Variants in IGF2R observed in about 807,000 individuals in gnomAD.
IGF2R encodes cation-independent mannose-6-phosphate receptor.
In IGF2R, 91 loss-of-function variants were observed where a neutral mutation model predicts 270.6. The ratio of observed to expected loss-of-function variants is 0.34; its 90% CI spans 0.28 to 0.40. The LOEUF (loss-of-function observed/expected upper bound fraction) is 0.40. Ranked by LOEUF, IGF2R falls within the 10% of genes least tolerant of loss-of-function variation. The probability of loss-of-function intolerance (pLI) is 1.00; values close to 1 mark genes in which losing one functional copy is unlikely to be tolerated. For synonymous variants in IGF2R, 1,316 were observed against 1,258.9 expected, an observed-to-expected ratio of 1.05 and a Z score of -0.96; for missense variants, 2,805 against 3,188.3, an observed-to-expected ratio of 0.88 and a Z score of 2.90.
At chr6:160,041,300 C>G (rs988155129) in intron 11 of IGF2R, among the ~76,000 whole-genome samples, 1 of 152,206 alleles carries the variant, frequency 6.6e-6, no homozygotes, top group South Asian at 2.1e-4. Context: ...ATTAGGTGTA[C>G]AGAAGCCAGT....
chr6:160,062,945 C>T, intron 26 of IGF2R, among the ~76,000 whole-genome samples: 1 of 151,394 alleles, frequency 6.6e-6, no homozygotes, highest in Non-Finnish European at 1.5e-5. Context: ...AAGCTGTTTG[C>T]CAGGCGATTT....
intron 2 of IGF2R, among the ~76,000 whole-genome samples, chr6:159,996,834 G>T (rs533066421): frequency 6.6e-6 from 1 of 152,172 alleles, no homozygotes; most frequent in Admixed American, 6.5e-5. Flanking sequence ...CTGTGGGTCC[G>T]TGTAGAGAGG....
In IGF2R at chr6:160,071,895, T is replaced by C. The variant is rs752842929; in HGVS notation, c.4444-15T>C. 8 of 1,613,994 alleles carry C rather than the reference T, an allele frequency of 5.0e-6. No homozygotes were observed. In the East Asian group the frequency reaches 1.6e-4, roughly 31 times the overall value. On this transcript the variant is annotated splice_polypyrimidine_tract_variant and intron_variant, in intron 31 of 47. Coordinates refer to ENST00000356956, the MANE Select transcript of IGF2R (RefSeq NM_000876.4). Reference sequence around the variant, plus strand: ...TTGCGTGATCCCTTCAGGACCTGTCTGTGCTTTGTTGTAGAACTCCAGGCC... The same window carrying C: ...TTGCGTGATCCCTTCAGGACCTGTCCGTGCTTTGTTGTAGAACTCCAGGCC...
chr6:160,109,406 C>G lies in IGF2R; in HGVS notation c.*4322C>G, dbSNP rs1333228829. 1 of 152,198 alleles carries G rather than the reference C, an allele frequency of 6.6e-6. No homozygotes were observed. Among genetic ancestry groups the G allele is most frequent in the African/African-American group, 2.4e-5 (1 of 41,448 alleles). 9.4% of individuals were successfully genotyped at this position (152,198 alleles called of 1,614,324 possible). On this transcript the variant is annotated 3_prime_UTR_variant, in exon 48 of 48. Transcript: ENST00000356956. ...TGGCTTCAGGGTTTTATTTTTCTTT[C>G]TTTTAAAACATTTTGAGACAACATG...
At chr6:160,042,344 T>A (rs1357279293) in intron 11 of IGF2R, among the ~76,000 whole-genome samples, 2 of 152,352 alleles carry the variant, frequency 1.3e-5, no homozygotes, top group East Asian at 3.9e-4. Flanking sequence ...TCACCACTGA[T>A]GAGTCATGGG....
At chr6:160,060,842 C>T in intron 23 of IGF2R, 125 bp downstream of exon 23, 1 of 820,932 alleles carries the variant, frequency 1.2e-6, no homozygotes, top group Non-Finnish European at 1.9e-6. Context: ...CTTGGTTATG[C>T]AGGCAGCGTG....
rs1042989593 is a variant in IGF2R, at chr6:160,098,641, A to G, written c.6842+2016A>G. 3.3e-5 allele frequency among the ~76,000 whole-genome samples: 5 copies of G among 152,182 alleles called. No individual in the cohort carries two copies. The East Asian group carries it at 5.8e-4, about 18-fold the overall frequency. On this transcript the variant is annotated intron_variant, in intron 45 of 47. Coordinates refer to ENST00000356956, the MANE Select transcript of IGF2R (RefSeq NM_000876.4). ...CTAGACCAGCCTGGGCAACATGGTG[A>G]AACCCCGTCTCTACTAAAAATACAA...
intron 44 of IGF2R, chr6:160,093,954 G>A: frequency 1.4e-6 from 1 of 691,846 alleles, no homozygotes; most frequent in Admixed American, 1.8e-5. Flanking sequence ...TTTTGGAGAA[G>A]GTGGATGTAG....
At chr6:160,043,036 G>A (rs917924344) in intron 11 of IGF2R, 112 bp from the exon 12 acceptor site, 11 of 1,143,800 alleles carry the variant, frequency 9.6e-6, no homozygotes, top group African/African-American at 4.7e-5. Flanking sequence ...ATTGAGTGAC[G>A]AAGTGGTTTG....
intron 4 of IGF2R, 138 bp from the exon 5 acceptor site, chr6:160,024,434 C>T (rs1777508480): frequency 1.3e-6 from 1 of 775,470 alleles, no homozygotes; most frequent in Admixed American, 2.3e-5. Flanking sequence ...TGACCTTTGC[C>T]TGAGTTCGTT....
chr6:160,052,563 C>A (rs1778222821), intron 19 of IGF2R, among the ~76,000 whole-genome samples: 3 of 152,152 alleles, frequency 2.0e-5, no homozygotes, highest in Admixed American at 1.3e-4. Context: ...TGGTTTTCTT[C>A]ACAGAATTGG....
chr6:160,012,792 T>G (rs551906497), intron 4 of IGF2R, among the ~76,000 whole-genome samples: 5 of 148,802 alleles, frequency 3.4e-5, no homozygotes, highest in African/African-American at 1.2e-4. Context: ...TGTTTGTTTG[T>G]TTATTTGTTT....
In IGF2R at chr6:160,084,829, C is replaced by T. The variant is rs1779064634; in HGVS notation, c.6069-166C>T. 6.8e-6 allele frequency among the ~76,000 whole-genome samples: 1 copy of T among 146,888 alleles called. No individual in the cohort carries two copies. The highest frequency in any genetic ancestry group is 2.5e-5 in the African/African-American group (1 of 40,122). On this transcript the variant is annotated intron_variant, in intron 40 of 47. Coordinates refer to ENST00000356956, the MANE Select transcript of IGF2R (RefSeq NM_000876.4). The surrounding 1 kb of genome is among the most constrained non-coding windows in gnomAD (Gnocchi z 4.6). ...TTCTTCAGTGAAGACTTCTTTTGCC[C>T]TTTTTTTTTTTAATTGGAAAAGCTA...
chr6:160,005,965 C>T (rs1361536293), intron 2 of IGF2R: 1 of 162,594 alleles, frequency 6.2e-6, no homozygotes, highest in Non-Finnish European at 1.3e-5. Flanking sequence ...CCGGTGCCTT[C>T]TGCCCGCCGC....
intron 24 of IGF2R, 53 bp from the exon 25 acceptor site, chr6:160,061,700 G>C: frequency 6.2e-7 from 1 of 1,613,388 alleles, no homozygotes; most frequent in Non-Finnish European, 8.5e-7. Flanking sequence ...TAGAGCATTT[G>C]ACTCAAGGTC....
chr6:160,068,127 C>A, intron 29 of IGF2R, 122 bp from the exon 30 acceptor site: 42 of 872,520 alleles, frequency 4.8e-5, no homozygotes, highest in East Asian at 5.3e-5. Context: ...AGAGAGAAGT[C>A]GAGTCTAAAG....
intron 4 of IGF2R, among the ~76,000 whole-genome samples, chr6:160,016,798 G>A (rs1777309877): frequency 6.6e-6 from 1 of 152,256 alleles, no homozygotes; most frequent in South Asian, 2.1e-4. Context: ...GACGCTGAAA[G>A]CGTCCAGAAG....
chr6:160,090,868 A>G (rs1779206633), intron 44 of IGF2R, among the ~76,000 whole-genome samples: 1 of 150,030 alleles, frequency 6.7e-6, no homozygotes, highest in South Asian at 2.1e-4. Flanking sequence ...CATTGCCGAG[A>G]AGGAGCAGGT....
chr6:160,001,288 A>AGG (rs1784126639), intron 2 of IGF2R, among the ~76,000 whole-genome samples: 1 of 152,074 alleles, frequency 6.6e-6, no homozygotes, highest in South Asian at 2.1e-4. Flanking sequence ...TGCACATGCA[A>AGG]GGGATCTAGG....
Sources: gnomAD v4.1 joint callset for allele counts (sites outside exome capture counted in the v4.1 genomes callset) on GRCh38, gnomAD v4.1.1 for gene constraint, Gnocchi (gnomAD v3.1) non-coding constraint, MANE v1.5 for transcripts, NCBI Gene and HGNC (gene_info 2026-07-23, HGNC 2026-07-21) for gene names.